Variants in STX17 observed in about 807,000 individuals in gnomAD.
The protein encoded by STX17 is syntaxin-17.
A neutral mutation model predicts 35.9 loss-of-function variants in STX17; 29 were observed. That is an observed-to-expected ratio of 0.81 (90% confidence interval 0.60 to 1.10). The LOEUF is 1.10. Ranked by LOEUF, STX17 falls within the 50% of genes least tolerant of loss-of-function variation. The probability of loss-of-function intolerance (pLI) is 0.00; values close to 1 mark genes in which losing one functional copy is unlikely to be tolerated. For missense variants in STX17, 312 were observed against 352.3 expected (o/e 0.89, Z 0.92); for synonymous variants, 92 against 118.3 (o/e 0.78, Z 1.44).
In STX17 at chr9:99,970,916, G is replaced by T. The variant is rs1830005802; in HGVS notation, c.*2243G>T. ...TACTGAGCCAGTGTGGAATACCACTGTATGTACTCATATAAGCCCTTGACT... is the reference window on the plus strand; with the variant it reads ...TACTGAGCCAGTGTGGAATACCACTTTATGTACTCATATAAGCCCTTGACT... On this transcript the variant is annotated 3_prime_UTR_variant, in exon 8 of 8. Transcript: ENST00000259400. 6.6e-6 allele frequency among the ~76,000 whole-genome samples: 1 copy of T among 152,164 alleles called. No individual in the cohort carries two copies. Among genetic ancestry groups the T allele is most frequent in the South Asian group, 2.1e-4 (1 of 4,834 alleles).
At chr9:99,923,114 C>T (rs1391668078) in intron 2 of STX17, among the ~76,000 whole-genome samples, 2 of 151,786 alleles carry the variant, frequency 1.3e-5, no homozygotes, top group Non-Finnish European at 2.9e-5. Context: ...TCTTTCCTTT[C>T]CTCTCTTTTT....
chr9:99,925,857 G>A (rs1828976133), intron 2 of STX17, among the ~76,000 whole-genome samples: 2 of 151,812 alleles, frequency 1.3e-5, no homozygotes, highest in Admixed American at 6.6e-5. Flanking sequence ...TGTCCTTTGA[G>A]CTTCTTGGAT....
chr9:99,935,495 G>T (rs1200918677), intron 3 of STX17, among the ~76,000 whole-genome samples: 1 of 152,010 alleles, frequency 6.6e-6, no homozygotes, highest in Non-Finnish European at 1.5e-5. Flanking sequence ...TCAGAATTTG[G>T]TACAATACCT....
intron 2 of STX17, among the ~76,000 whole-genome samples, chr9:99,917,009 A>G (rs1375502973): frequency 2.0e-5 from 3 of 152,196 alleles, no homozygotes; most frequent in African/African-American, 4.8e-5. Flanking sequence ...TGGTTATATT[A>G]CTGATTTTAT....
At chr9:99,921,164 C>A (rs1018245888) in intron 2 of STX17, among the ~76,000 whole-genome samples, 2 of 152,060 alleles carry the variant, frequency 1.3e-5, no homozygotes, top group African/African-American at 4.8e-5. Flanking sequence ...ATGTGTTAAA[C>A]TTCTAACATG....
chr9:99,954,452 A>G (rs986195965), intron 4 of STX17, among the ~76,000 whole-genome samples: 2 of 152,070 alleles, frequency 1.3e-5, no homozygotes, highest in Non-Finnish European at 2.9e-5. Context: ...TTAATAAATA[A>G]GAGAATGGAA....
At position 99,911,061 on chromosome 9, in the gene STX17, A is replaced by C. The variant is rs1246553238; in HGVS notation, c.-62-4117A>C. Among the ~76,000 whole-genome samples, 3 of 148,328 alleles carry C rather than the reference A, an allele frequency of 2.0e-5. No individual in the cohort carries two copies. In the Admixed American group the frequency reaches 2.0e-4, roughly 10 times the overall value. On this transcript the variant is annotated intron_variant, in intron 1 of 7. Transcript: ENST00000259400. ...TTTTTTTTTTTTTCTCCCTAGACGG[A>C]GTCTCGCTCTGTTGCCCAAGCTGGA...
chr9:99,956,214 C>T (rs867403332), intron 4 of STX17, among the ~76,000 whole-genome samples: 25 of 152,200 alleles, frequency 1.6e-4, no homozygotes, highest in Middle Eastern at 3.4e-3. Context: ...CATTTTTATT[C>T]TTTACTGAGG....
At chr9:99,949,147 T>C (rs1403854385) in intron 3 of STX17, among the ~76,000 whole-genome samples, 1 of 152,124 alleles carries the variant, frequency 6.6e-6, no homozygotes, top group Non-Finnish European at 1.5e-5. Flanking sequence ...AGATGCTCAC[T>C]TATGCCCCCT....
chr9:99,939,158 G>C (rs1474684318), intron 3 of STX17, among the ~76,000 whole-genome samples: 1 of 152,098 alleles, frequency 6.6e-6, no homozygotes, highest in Non-Finnish European at 1.5e-5. Flanking sequence ...AGAAACAATA[G>C]AAAAGAGAGG....
intron 3 of STX17, among the ~76,000 whole-genome samples, chr9:99,950,648 T>C (rs1378278688): frequency 6.6e-6 from 1 of 151,978 alleles, no homozygotes; most frequent in Non-Finnish European, 1.5e-5. Flanking sequence ...TATAATGTAA[T>C]CCATTTTTTA....
Position 99,952,150 on chromosome 9 carries a change from GA to G in STX17, c.415+869del, listed in dbSNP as rs530674821. 2.5e-3 allele frequency among the ~76,000 whole-genome samples: 378 copies of G among 152,056 alleles called. 1 individual carries two copies. The highest frequency in any genetic ancestry group is 8.7e-3 in the African/African-American group (362 of 41,494). On this transcript the variant is annotated intron_variant, in intron 4 of 7. Transcript: ENST00000259400. ...TTCTAAGCTACCTTTAATCCTTACG[GA>G]AAAGGTGGAGTATAAGTAAGTTACA...
At chr9:99,944,516 AT>A (rs35679073) in intron 3 of STX17, among the ~76,000 whole-genome samples, 58,741 of 142,238 alleles carry the variant, frequency 0.41, 12,349 homozygotes, top group East Asian at 0.7. Context: ...AGGTCAAAGC[AT>A]TTTTTTTTTT....
chr9:99,944,323 T>C (rs938240143), intron 3 of STX17, among the ~76,000 whole-genome samples: 7 of 152,026 alleles, frequency 4.6e-5, no homozygotes, highest in African/African-American at 1.7e-4. Flanking sequence ...ATTTTTATTA[T>C]TTTCTCCTTT....
In STX17 at chr9:99,974,296, T is replaced by C. The variant is rs1218810630; in HGVS notation, c.*5623T>C. On this transcript the variant is annotated 3_prime_UTR_variant, in exon 8 of 8. Transcript: ENST00000259400. Reference sequence around the variant, plus strand: ...CACTTCATGAGTAGTTGAGATTTTCTTGTATTAAGGTTAATCACTAAAAAG... The same window carrying C: ...CACTTCATGAGTAGTTGAGATTTTCCTGTATTAAGGTTAATCACTAAAAAG... Among the ~76,000 whole-genome samples the C allele has an allele frequency of 6.6e-6, 1 of 152,210 alleles. No individual in the cohort carries two copies. Among genetic ancestry groups the C allele is most frequent in the Non-Finnish European group, 1.5e-5 (1 of 68,042 alleles).
rs570820110 is a variant in STX17 at position 99,960,253 on chromosome 9, A to C, written c.582+98A>C. ...TTTAATTAGAATTTTAATAGAACTT[A>C]TAATTTTTAAGACTGGTATTAAGCC... On this transcript the variant is annotated intron_variant, in intron 6 of 7. Transcript: ENST00000259400. 4.8e-6 allele frequency: 6 copies of C among 1,254,410 alleles called. No homozygotes were observed. In the Admixed American group the frequency reaches 1.3e-4, roughly 28 times the overall value. 77.7% of individuals were successfully genotyped at this position (1,254,410 alleles called of 1,614,324 possible). A position where few individuals can be genotyped will look rare whatever the true frequency, so the allele number is the denominator to read the frequency against.
chr9:99,936,237 T>G (rs1829230843), intron 3 of STX17, among the ~76,000 whole-genome samples: 1 of 152,124 alleles, frequency 6.6e-6, no homozygotes, highest in Non-Finnish European at 1.5e-5. Flanking sequence ...TAGTTAGGAG[T>G]GGAATGGCTG....
At chr9:99,908,816 C>G (rs1161296372) in intron 1 of STX17, among the ~76,000 whole-genome samples, 6 of 152,116 alleles carry the variant, frequency 3.9e-5, no homozygotes, top group Non-Finnish European at 7.4e-5. Context: ...TTCCAGGGCC[C>G]CACAGAAGAC....
Position 99,972,769 on chromosome 9 carries a change from G to C in STX17, c.*4096G>C, listed in dbSNP as rs1159785529. Among the ~76,000 whole-genome samples the C allele has an allele frequency of 1.3e-5, 2 of 152,142 alleles. No homozygotes were observed. Among genetic ancestry groups the C allele is most frequent in the African/African-American group, 4.8e-5 (2 of 41,426 alleles). On this transcript the variant is annotated 3_prime_UTR_variant, in exon 8 of 8. Coordinates refer to ENST00000259400, the MANE Select transcript of STX17 (RefSeq NM_017919.3). The stretch of plus-strand genomic sequence containing the variant: ...TTTGTGTTAACCTTAAATATGAAAG[G>C]TGTTTCTCAGGGTCCCCTTTGTCCT...
Sources: gnomAD v4.1 joint callset for allele counts (sites outside exome capture counted in the v4.1 genomes callset) on GRCh38, gnomAD v4.1.1 for gene constraint, MANE v1.5 for transcripts, NCBI Gene and HGNC (gene_info 2026-07-23, HGNC 2026-07-21) for gene names.